The following RDX variants were observed in gnomAD, a reference collection of about 807,000 sequenced individuals.
RDX encodes the protein radixin.
In RDX, 32 loss-of-function variants were observed where a neutral mutation model predicts 83.7. The ratio of observed to expected loss-of-function variants is 0.38; its 90% confidence interval spans 0.29 to 0.51. The LOEUF is 0.51. RDX is among the 20% of genes least tolerant of loss of function. The pLI, the probability that RDX is intolerant of heterozygous loss-of-function variation, is 0.87. For synonymous variants in RDX, 229 were observed against 222.7 expected (o/e 1.03, Z -0.25); for missense variants, 600 against 689.9 (o/e 0.87, Z 1.46).
intron 14 of RDX, among the ~76,000 whole-genome samples, chr11:110,202,136 A>C (rs904525856): frequency 6.6e-6 from 1 of 152,048 alleles, no homozygotes; most frequent in Non-Finnish European, 1.5e-5. Flanking sequence ...TCACACCTGT[A>C]ATCCCAGCAC....
chr11:110,257,210 T>C lies in RDX; in HGVS notation c.698+557A>G, dbSNP rs188562090. On this transcript the variant is annotated intron_variant, in intron 7 of 13. Coordinates refer to ENST00000645495, the MANE Select transcript of RDX (RefSeq NM_002906.4). ...AAAATATTGATGAATTATATATGTA[T>C]AATAAAAAACTATTTGGTCAATTTC... Among the ~76,000 whole-genome samples the C allele has an allele frequency of 2.9e-3, 444 of 151,586 alleles. 3 individuals are homozygous for C. Among genetic ancestry groups the C allele is most frequent in the African/African-American group, 0.01 (423 of 41,434 alleles).
intron 7 of RDX, among the ~76,000 whole-genome samples, chr11:110,256,210 C>A (rs1334782680): frequency 1.3e-5 from 2 of 152,168 alleles, no homozygotes; most frequent in Non-Finnish European, 1.5e-5. Flanking sequence ...CATCTTTTAG[C>A]CAGGCTTCTG....
Position 110,231,213 on chromosome 11 carries a change from C to T in RDX, c.*656G>A, listed in dbSNP as rs1864621721. On this transcript the variant is annotated 3_prime_UTR_variant, in exon 14 of 14. Transcript: ENST00000645495. ...GTTAAAGATGACTGTGATTAAATAA[C>T]CAAATATCAAATATCCAATAAGGTA... The T allele has an allele frequency of 6.5e-6, 1 of 152,820 alleles. No individual in the cohort carries two copies. Among genetic ancestry groups the T allele is most frequent in the African/African-American group, 2.4e-5 (1 of 41,370 alleles). 9.5% of individuals were successfully genotyped at this position (152,820 alleles called of 1,614,324 possible).
chr11:110,256,388 G>A (rs908033518), intron 7 of RDX, among the ~76,000 whole-genome samples: 1 of 152,122 alleles, frequency 6.6e-6, no homozygotes, highest in Non-Finnish European at 1.5e-5. Context: ...TGCTTAAAAC[G>A]GAGACTGCAG....
chr11:110,204,347 G>GATTAATAA (rs1237426962), intron 14 of RDX, among the ~76,000 whole-genome samples: 1 of 150,848 alleles, frequency 6.6e-6, no homozygotes, highest in Non-Finnish European at 1.5e-5. Flanking sequence ...GCAAAAAGAT[G>GATTAATAA]ATTAATAATA....
At chr11:110,258,215 A>G in intron 5 of RDX, 26 bp from the exon 6 acceptor site, 2 of 1,368,262 alleles carry the variant, frequency 1.5e-6, no homozygotes, top group Non-Finnish European at 2.0e-6. Flanking sequence ...AAAAAAAAAA[A>G]TTATAATGAC....
intron 14 of RDX, among the ~76,000 whole-genome samples, chr11:110,223,634 A>T (rs1864332003): frequency 6.6e-6 from 1 of 152,212 alleles, no homozygotes; most frequent in African/African-American, 2.4e-5. Flanking sequence ...ATGGCCTAAA[A>T]ATTGAGAACT....
chr11:110,240,152 C>A (rs1865025749), intron 10 of RDX, among the ~76,000 whole-genome samples: 1 of 152,078 alleles, frequency 6.6e-6, no homozygotes, highest in Admixed American at 6.6e-5. Flanking sequence ...ATGAAGTCAA[C>A]CTAAGTGCTT....
intron 14 of RDX, among the ~76,000 whole-genome samples, chr11:110,204,500 CTTTTTTTTTTTTCCTT>C (rs1414011492): frequency 2.5e-5 from 3 of 120,928 alleles, no homozygotes; most frequent in African/African-American, 9.1e-5. Flanking sequence ...ACTTTTCTTT[CTTTTTTTTTTTTCCTT>C]TTTTTTTTTT....
At chr11:110,238,029 T>A (rs1221382751) in intron 10 of RDX, 10 of 198,972 alleles carry the variant, frequency 5.0e-5, no homozygotes, top group South Asian at 8.3e-5. Flanking sequence ...ATTTTATTTT[T>A]AAAAAATAAT....
At chr11:110,180,974 C>T (rs1862875836) in intron 15 of RDX, among the ~76,000 whole-genome samples, 1 of 152,126 alleles carries the variant, frequency 6.6e-6, no homozygotes, top group Non-Finnish European at 1.5e-5. Context: ...GACACACACT[C>T]CATGAAGGCA....
rs570569431 is a variant in RDX at position 110,198,453 on chromosome 11, TA to T, written c.*31+1127del. Among the ~76,000 whole-genome samples the T allele has an allele frequency of 1.9e-3, 283 of 152,324 alleles. 1 individual carries two copies. The highest frequency in any genetic ancestry group is 6.5e-3 in the African/African-American group (269 of 41,574). The stretch of plus-strand genomic sequence containing the variant: ...CCCCAATCCCTGGGCCGAGGACCAG[TA>T]CCGGCGTGTGGCCTGTTAGGAACTG... On this transcript the variant is annotated intron_variant, in intron 15 of 15. Transcript: ENST00000528498.
intron 1 of RDX, among the ~76,000 whole-genome samples, chr11:110,283,206 T>A (rs186646057): frequency 6.6e-6 from 1 of 152,204 alleles, no homozygotes; most frequent in Non-Finnish European, 1.5e-5. Flanking sequence ...CAGGCTGGAG[T>A]GCAGTGGCGC....
At chr11:110,198,541 G>A (rs950951725) in intron 15 of RDX, among the ~76,000 whole-genome samples, 1 of 152,200 alleles carries the variant, frequency 6.6e-6, no homozygotes, top group Non-Finnish European at 1.5e-5. Flanking sequence ...CCTCTTGTCA[G>A]ATCAGCAGCA....
chr11:110,196,617 G>C (rs1416239005), intron 15 of RDX, among the ~76,000 whole-genome samples: 1 of 152,206 alleles, frequency 6.6e-6, no homozygotes, highest in Non-Finnish European at 1.5e-5. Context: ...CTTAGGGAAT[G>C]AGTTCACCTT....
intron 8 of RDX, among the ~76,000 whole-genome samples, chr11:110,254,713 T>C (rs554869351): frequency 1.3e-5 from 2 of 152,252 alleles, no homozygotes; most frequent in South Asian, 2.1e-4. Flanking sequence ...TCATCTCAGG[T>C]GATCTGCTCC....
rs768988858 is a variant in RDX, at chr11:110,264,026, T to C, written c.401A>G (p.Tyr134Cys). 2.5e-6 allele frequency: 4 copies of C among 1,613,604 alleles called. No individual in the cohort carries two copies. The highest frequency in any genetic ancestry group is 1.7e-5 in the Admixed American group (1 of 60,024). Residue 134 changes from tyrosine to cysteine, a missense_variant, in exon 5 of 14, where the codon TAT (tyrosine) becomes TGT (cysteine). Coordinates refer to ENST00000645495, the MANE Select transcript of RDX (RefSeq NM_002906.4). ...LLASYAVQAK[Y>C]GDYNKEIHKP... ...ATGAATCTCTTTATTGTAATCTCCATACTTGGCTTGGACAGCATAGGAAGC... is the reference window on the plus strand; with the variant it reads ...ATGAATCTCTTTATTGTAATCTCCACACTTGGCTTGGACAGCATAGGAAGC...
intron 3 of RDX, among the ~76,000 whole-genome samples, chr11:110,267,791 TA>T (rs34695261): frequency 0.27 from 38,953 of 141,946 alleles, 5,649 homozygotes; most frequent in Non-Finnish European, 0.35. Context: ...CCTTGTCTCT[TA>T]AAAAAAAAAA....
At chr11:110,258,770 A>C (rs1175288927) in intron 5 of RDX, among the ~76,000 whole-genome samples, 2 of 152,138 alleles carry the variant, frequency 1.3e-5, no homozygotes, top group Admixed American at 1.3e-4. Flanking sequence ...TTCAATTAAA[A>C]AGTAGAGTGA....
Sources: gnomAD v4.1 joint callset for allele counts (sites outside exome capture counted in the v4.1 genomes callset) on GRCh38, gnomAD v4.1.1 for gene constraint, MANE v1.5 for transcripts, NCBI Gene and HGNC (gene_info 2026-07-23, HGNC 2026-07-21) for gene names.